TASP1: variants seen among roughly 807,000 people sequenced by gnomAD.
The protein encoded by TASP1 is taspase 1.
Under a neutral mutation model 56.6 loss-of-function variants are expected in TASP1, and 16 were observed. That is an observed-to-expected ratio of 0.28 (90% CI 0.19 to 0.43). The LOEUF is 0.43. Ranked by LOEUF, TASP1 falls within the 20% of genes least tolerant of loss-of-function variation. The pLI, the probability that TASP1 is intolerant of heterozygous loss-of-function variation, is 1.00. For synonymous variants in TASP1, 179 were observed against 184.2 expected (o/e 0.97, Z 0.23); for missense variants, 393 against 511.6 (o/e 0.77, Z 2.24).
chr20:13,583,439 AG>A (rs2047193705), intron 5 of TASP1, among the ~76,000 whole-genome samples: 1 of 152,222 alleles, frequency 6.6e-6, no homozygotes, highest in South Asian at 2.1e-4. Context: ...TCTCTGCCCT[AG>A]GATACATTTT....
At chr20:13,322,009 TCAA>T in the TASP1 span, among the ~76,000 whole-genome samples, 1 of 152,204 alleles carries the variant, frequency 6.6e-6, no homozygotes, top group Non-Finnish European at 1.5e-5. Context: ...AATTAATGAG[TCAA>T]CATTTATATT....
intron 4 of TASP1, among the ~76,000 whole-genome samples, chr20:13,596,601 G>A (rs886406879): frequency 2.5e-4 from 38 of 152,080 alleles, no homozygotes; most frequent in African/African-American, 8.0e-4. Context: ...AATCAACACC[G>A]TAATATCACA....
At chr20:13,391,521 T>C (rs375137063) in intron 13 of TASP1, among the ~76,000 whole-genome samples, 3 of 152,302 alleles carry the variant, frequency 2.0e-5, no homozygotes, top group African/African-American at 7.2e-5. Context: ...GTGAGTCTCA[T>C]CAGAAGACAA....
the TASP1 span, among the ~76,000 whole-genome samples, chr20:13,159,850 A>G: frequency 2.6e-5 from 4 of 152,218 alleles, no homozygotes; most frequent in Admixed American, 6.5e-5. Flanking sequence ...ATTTGACAGA[A>G]GTTTAAAAAC....
chr20:13,601,919 C>T (rs2047975772), intron 4 of TASP1, among the ~76,000 whole-genome samples: 1 of 125,140 alleles, frequency 8.0e-6, no homozygotes, highest in Non-Finnish European at 1.6e-5. Context: ...CTCAGTTGCC[C>T]AGGCTGGAGT....
chr20:13,250,701 A>G, the TASP1 span, among the ~76,000 whole-genome samples: 4 of 152,184 alleles, frequency 2.6e-5, no homozygotes, highest in South Asian at 2.1e-4. Context: ...ATTCGTGTCT[A>G]TCTTGCTCCC....
At chr20:13,401,593 A>G (rs990916731) in intron 13 of TASP1, among the ~76,000 whole-genome samples, 9 of 152,216 alleles carry the variant, frequency 5.9e-5, no homozygotes, top group Non-Finnish European at 7.3e-5. Flanking sequence ...ATAGAAACCA[A>G]TATCTTTTCT....
At chr20:13,408,013 G>A (rs2041982089) in intron 13 of TASP1, among the ~76,000 whole-genome samples, 1 of 151,928 alleles carries the variant, frequency 6.6e-6, no homozygotes, top group Non-Finnish European at 1.5e-5. Flanking sequence ...TATTTTGTGG[G>A]CTTTTTTTAC....
intron 6 of TASP1, 144 bp from the exon 7 acceptor site, chr20:13,569,730 C>A: frequency 1.6e-6 from 1 of 615,116 alleles, no homozygotes. Flanking sequence ...AGTAAGATGA[C>A]TGCATGCTAA....
the TASP1 span, among the ~76,000 whole-genome samples, chr20:13,147,988 T>C: frequency 6.6e-6 from 1 of 152,186 alleles, no homozygotes; most frequent in African/African-American, 2.4e-5. Context: ...CACAAACTCG[T>C]CAACCCCATC....
At chr20:13,496,839 G>GT (rs907284694) in intron 10 of TASP1, among the ~76,000 whole-genome samples, 2 of 152,132 alleles carry the variant, frequency 1.3e-5, no homozygotes, top group African/African-American at 4.8e-5. Context: ...ACAGTCATGG[G>GT]TTTTTTAACG....
the TASP1 span, among the ~76,000 whole-genome samples, chr20:13,253,640 C>T: frequency 6.6e-6 from 1 of 152,102 alleles, no homozygotes; most frequent in Non-Finnish European, 1.5e-5. Context: ...AGCTCTGATT[C>T]CACAGGGGAT....
At chr20:13,552,625 ACTGG>A (rs1411284785) in intron 8 of TASP1, among the ~76,000 whole-genome samples, 1 of 152,130 alleles carries the variant, frequency 6.6e-6, no homozygotes, top group African/African-American at 2.4e-5. Flanking sequence ...CTAAAGGAAG[ACTGG>A]CAGCTATGTG....
the TASP1 span, chr20:13,167,580 G>C: frequency 1.3e-5 from 2 of 152,142 alleles, no homozygotes; most frequent in African/African-American, 4.8e-5. Context: ...GAAGATAAAG[G>C]TTCCAGATGA....
intron 11 of TASP1, among the ~76,000 whole-genome samples, chr20:13,448,347 AT>A (rs2043488572): frequency 1.3e-5 from 2 of 152,112 alleles, no homozygotes; most frequent in African/African-American, 2.4e-5. Context: ...TCCTATATAA[AT>A]TTCGAGTGGC....
rs559304560 is a variant in TASP1, at chr20:13,484,654, T to C, written c.875-1317A>G. 2.7e-5 allele frequency among the ~76,000 whole-genome samples: 4 copies of C among 150,090 alleles called. No homozygotes were observed. The South Asian group carries it at 8.4e-4, about 32-fold the overall frequency. On this transcript the variant is annotated intron_variant, in intron 10 of 13. Transcript: ENST00000337743. ...GGGAGGGAGAGGCAAGAGAATCATT[T>C]GAACCTGGTAGGCGGAGTTTGCTGT...
intron 8 of TASP1, among the ~76,000 whole-genome samples, chr20:13,552,079 T>C (rs570920936): frequency 3.3e-5 from 5 of 152,192 alleles, no homozygotes; most frequent in African/African-American, 4.8e-5. Context: ...AGTCCTTGCT[T>C]TGCCTAATAT....
At chr20:13,393,220 C>G in intron 13 of TASP1, 2 of 726,460 alleles carry the variant, frequency 2.8e-6, no homozygotes, top group Non-Finnish European at 5.1e-6. Context: ...GCTATCACTG[C>G]CACCCAGAAG....
chr20:13,602,122 G>A (rs1308558771), intron 4 of TASP1, among the ~76,000 whole-genome samples: 1 of 151,596 alleles, frequency 6.6e-6, no homozygotes, highest in African/African-American at 2.4e-5. Flanking sequence ...CTCGTGATCT[G>A]CCCTCCTCAG....
Sources: allele counts gnomAD v4.1 joint callset (sites outside exome capture counted in the v4.1 genomes callset), GRCh38; gene constraint gnomAD v4.1.1; transcripts MANE v1.5; gene names NCBI Gene and HGNC (gene_info 2026-07-23, HGNC 2026-07-21).